Variants in DLGAP1 observed in about 807,000 individuals in gnomAD.
The protein encoded by DLGAP1 is DLG associated protein 1.
In DLGAP1, 11 loss-of-function variants were observed where a neutral mutation model predicts 90.8. The ratio of observed to expected loss-of-function variants is 0.12; its 90% CI spans 0.08 to 0.20. DLGAP1 has a LOEUF of 0.20. Ranked by LOEUF, DLGAP1 falls within the 10% of genes least tolerant of loss-of-function variation. The probability of loss-of-function intolerance (pLI) is 1.00; values close to 1 mark genes in which losing one functional copy is unlikely to be tolerated. For missense variants in DLGAP1, 1,050 were observed against 1,333.8 expected (o/e 0.79, Z 3.31); for synonymous variants, 558 against 540.7 (o/e 1.03, Z -0.44).
intron 7 of DLGAP1, among the ~76,000 whole-genome samples, chr18:3,689,527 T>C (rs1027916193): frequency 6.6e-6 from 1 of 152,190 alleles, no homozygotes; most frequent in Admixed American, 6.5e-5. Context: ...TTCCCTTCTC[T>C]AAATATCATC....
intron 3 of DLGAP1, among the ~76,000 whole-genome samples, chr18:3,984,750 T>A (rs918768757): frequency 1.1e-4 from 17 of 152,190 alleles, no homozygotes; most frequent in African/African-American, 3.9e-4. Context: ...CTGCCCCTAG[T>A]CCTACCTTGT....
At chr18:3,619,845 G>C (rs2058032113) in intron 7 of DLGAP1, among the ~76,000 whole-genome samples, 1 of 143,128 alleles carries the variant, frequency 7.0e-6, no homozygotes, top group African/African-American at 2.6e-5. Context: ...TTGCTATGCT[G>C]CCGAGGCTTA....
intron 2 of DLGAP1, among the ~76,000 whole-genome samples, chr18:4,105,796 C>T (rs1021386400): frequency 6.6e-6 from 1 of 151,832 alleles, no homozygotes; most frequent in East Asian, 1.9e-4. Context: ...TTTGGGAGGC[C>T]GAGGTGGGCG....
intron 1 of DLGAP1, among the ~76,000 whole-genome samples, chr18:4,432,147 G>A (rs1440504564): frequency 6.6e-6 from 1 of 152,150 alleles, no homozygotes; most frequent in African/African-American, 2.4e-5. Context: ...AAGGGCAATA[G>A]TCAAGTCATA....
Position 3,600,877 on chromosome 18 carries a change from T to TAG in DLGAP1, c.1592-18630_1592-18629insCT, listed in dbSNP as rs1568278924. Among the ~76,000 whole-genome samples, 20 of 22,442 alleles carry TAG rather than the reference T, an allele frequency of 8.9e-4. 4 individuals are homozygous for TAG. Among genetic ancestry groups the TAG allele is most frequent in the African/African-American group, 3.9e-3 (19 of 4,842 alleles). The allele number at this position is 22,442 out of a possible 152,430, so 14.7% of individuals were successfully genotyped here. ...ATAGATATATATAGATATATAGATA[T>TAG]ATAGATAGATATATAGATATATATA... On this transcript the variant is annotated intron_variant, in intron 7 of 12. Transcript: ENST00000315677.
chr18:4,224,055 C>T (rs1222112471), intron 1 of DLGAP1, among the ~76,000 whole-genome samples: 1 of 152,254 alleles, frequency 6.6e-6, no homozygotes, highest in Non-Finnish European at 1.5e-5. Flanking sequence ...CAGGCCCTAA[C>T]TCCTGGTTGA....
intron 2 of DLGAP1, among the ~76,000 whole-genome samples, chr18:4,016,329 C>T (rs934290929): frequency 3.9e-5 from 6 of 152,238 alleles, no homozygotes; most frequent in South Asian, 2.1e-4. Flanking sequence ...CGCTGGTGAG[C>T]GGCCTCACCT....
chr18:4,282,985 T>C (rs636500), intron 1 of DLGAP1, among the ~76,000 whole-genome samples: 103,798 of 152,060 alleles, frequency 0.68, 37,059 homozygotes, highest in East Asian at 0.82. Flanking sequence ...CTTTAGCCAC[T>C]CAGGATGGGG....
At chr18:4,239,262 G>T (rs1249131890) in intron 1 of DLGAP1, among the ~76,000 whole-genome samples, 1 of 152,194 alleles carries the variant, frequency 6.6e-6, no homozygotes, top group Non-Finnish European at 1.5e-5. Context: ...ATGTGTGAAG[G>T]ACTGTGTTTT....
rs79972986 is a variant in DLGAP1 at position 4,333,171 on chromosome 18, T to G, written c.-267+121835A>C. Among the ~76,000 whole-genome samples the G allele has an allele frequency of 5.2e-3, 784 of 152,104 alleles. 37 individuals are homozygous for G. In the South Asian group the frequency reaches 0.082, roughly 16 times the overall value. On this transcript the variant is annotated intron_variant, in intron 1 of 12. Transcript: ENST00000315677. ...TGCTGAGCAGTTTGTCTGGCCTGGT[T>G]AGGTACTGCTGATCTCGCTAGGTCA...
chr18:3,500,974 C>T (rs370399558), intron 12 of DLGAP1, among the ~76,000 whole-genome samples: 57 of 152,138 alleles, frequency 3.7e-4, no homozygotes, highest in Middle Eastern at 3.4e-3. Context: ...AGTGCAGTGG[C>T]GCAACCACGG....
Position 4,274,578 on chromosome 18 carries a change from A to G in DLGAP1, c.-266-123291T>C, listed in dbSNP as rs181213107. 2.0e-5 allele frequency among the ~76,000 whole-genome samples: 3 copies of G among 152,320 alleles called. No individual in the cohort carries two copies. In the East Asian group the frequency reaches 5.8e-4, roughly 29 times the overall value. ...ACTCACATTAGAGAGCTTTGATATT[A>G]TAATCAGGCTATGTTTACTCAAATG... is the stretch of plus-strand genomic sequence containing the variant. On this transcript the variant is annotated intron_variant, in intron 1 of 12. Transcript: ENST00000315677.
At chr18:4,081,193 C>T (rs750659088) in intron 2 of DLGAP1, among the ~76,000 whole-genome samples, 14 of 151,772 alleles carry the variant, frequency 9.2e-5, no homozygotes, top group Non-Finnish European at 1.8e-4. Flanking sequence ...CAGCTGAATG[C>T]CTTTTCTTTT....
intron 1 of DLGAP1, among the ~76,000 whole-genome samples, chr18:4,304,430 T>C (rs2080200170): frequency 1.3e-5 from 2 of 152,218 alleles, no homozygotes; most frequent in African/African-American, 4.8e-5. Flanking sequence ...ATATTAATGT[T>C]TGCAGTTGTT....
intron 3 of DLGAP1, among the ~76,000 whole-genome samples, chr18:3,968,821 C>G (rs1020499493): frequency 3.3e-5 from 5 of 151,928 alleles, no homozygotes; most frequent in Non-Finnish European, 7.4e-5. Flanking sequence ...TTATTTTTTT[C>G]TTCCTTGTCC....
At chr18:4,338,770 T>C (rs867809914) in intron 1 of DLGAP1, among the ~76,000 whole-genome samples, 1 of 152,220 alleles carries the variant, frequency 6.6e-6, no homozygotes, top group African/African-American at 2.4e-5. Context: ...GATTCCATTA[T>C]GCAAATAAAC....
Position 3,545,222 on chromosome 18 carries a change from C to T in DLGAP1, c.2058-10607G>A, listed in dbSNP as rs537997091. Among the ~76,000 whole-genome samples the T allele has an allele frequency of 2.6e-4, 39 of 151,594 alleles. No homozygotes were observed. The South Asian group carries it at 4.2e-3, about 16-fold the overall frequency. ...CCAGGAGGTGGAGGCTGCAGTGAGC[C>T]GAGATCACGCCACTGCACTGCAGCC... is the stretch of plus-strand genomic sequence containing the variant. On this transcript the variant is annotated intron_variant, in intron 9 of 12. Transcript: ENST00000315677.
rs562593720 is a variant in DLGAP1, at chr18:3,882,408, C to G, written c.-72-2268G>C. Among the ~76,000 whole-genome samples the G allele has an allele frequency of 6.0e-4, 91 of 151,704 alleles. 1 individual carries two copies. The highest frequency in any genetic ancestry group is 2.1e-3 in the African/African-American group (88 of 41,320). On this transcript the variant is annotated intron_variant, in intron 3 of 12. Transcript: ENST00000315677. Reference sequence around the variant, plus strand: ...ATTAGCTGGGAGTGGTGGTGCATGCCTGTAGTCCCAGCTACTCAAGTGGGG... The same window carrying G: ...ATTAGCTGGGAGTGGTGGTGCATGCGTGTAGTCCCAGCTACTCAAGTGGGG...
At chr18:4,276,168 T>G (rs2079408792) in intron 1 of DLGAP1, among the ~76,000 whole-genome samples, 1 of 148,646 alleles carries the variant, frequency 6.7e-6, no homozygotes. Flanking sequence ...GGAGGGGGCT[T>G]GATTTTTTTT....
Sources: gnomAD v4.1 joint callset for allele counts (sites outside exome capture counted in the v4.1 genomes callset) on GRCh38, gnomAD v4.1.1 for gene constraint, MANE v1.5 for transcripts, NCBI Gene and HGNC (gene_info 2026-07-23, HGNC 2026-07-21) for gene names.